The following ROBO1 variants were observed in gnomAD, a reference collection of about 807,000 sequenced individuals.
The protein encoded by ROBO1 is roundabout homolog 1.
A neutral mutation model predicts 195.9 loss-of-function variants in ROBO1; 149 were observed. The observed-to-expected ratio is 0.76, with a 90% CI of 0.67 to 0.87. ROBO1 has a LOEUF of 0.87. ROBO1 is among the 40% of genes least tolerant of loss of function. The probability of loss-of-function intolerance (pLI) is 0.00; values close to 1 mark genes in which losing one functional copy is unlikely to be tolerated. For missense variants in ROBO1, 1,933 were observed against 2,068.3 expected, an observed-to-expected ratio of 0.93 and a Z score of 1.27; for synonymous variants, 816 against 733.2, an observed-to-expected ratio of 1.11 and a Z score of -1.82.
chr3:79,558,829 C>G (rs537755279), intron 2 of ROBO1, among the ~76,000 whole-genome samples: 1 of 152,202 alleles, frequency 6.6e-6, no homozygotes, highest in East Asian at 1.9e-4. Flanking sequence ...GACATAGCTG[C>G]ATAATATATC....
chr3:79,391,769 A>C (rs1019144971), intron 2 of ROBO1, among the ~76,000 whole-genome samples: 1 of 152,208 alleles, frequency 6.6e-6, no homozygotes, highest in Non-Finnish European at 1.5e-5. Flanking sequence ...AGTAAAAATT[A>C]CTTGATAAAA....
chr3:79,364,291 C>CAT (rs144806869), intron 2 of ROBO1, among the ~76,000 whole-genome samples: 200 of 149,766 alleles, frequency 1.3e-3, no homozygotes, highest in African/African-American at 4.6e-3. Flanking sequence ...TATACACACA[C>CAT]ATATATATAA....
chr3:78,664,305 G>A (rs943302573), intron 14 of ROBO1, among the ~76,000 whole-genome samples: 3 of 152,052 alleles, frequency 2.0e-5, no homozygotes, highest in East Asian at 3.9e-4. Context: ...AACCTCAGAG[G>A]GGAGCCTATC....
At chr3:79,543,518 T>G (rs2107648714) in intron 2 of ROBO1, among the ~76,000 whole-genome samples, 1 of 152,206 alleles carries the variant, frequency 6.6e-6, no homozygotes, top group African/African-American at 2.4e-5. Context: ...AATCACTGAT[T>G]ATACCTGTTA....
At chr3:79,303,360 T>C (rs1230132832) in intron 2 of ROBO1, among the ~76,000 whole-genome samples, 1 of 151,950 alleles carries the variant, frequency 6.6e-6, no homozygotes, top group Non-Finnish European at 1.5e-5. Context: ...GAGACGGGGT[T>C]TCGCCACGTT....
chr3:79,285,998 A>G (rs1489120758), intron 2 of ROBO1, among the ~76,000 whole-genome samples: 1 of 152,204 alleles, frequency 6.6e-6, no homozygotes, highest in East Asian at 1.9e-4. Context: ...TTTGAAGTCT[A>G]TTCTGGCAAA....
chr3:79,449,139 G>A (rs1575840111), intron 2 of ROBO1, among the ~76,000 whole-genome samples: 1 of 152,098 alleles, frequency 6.6e-6, no homozygotes, highest in South Asian at 2.1e-4. Flanking sequence ...GATGAAGTGG[G>A]AGGCTTGCTT....
At chr3:79,492,526 GATATA>G (rs745865906) in intron 2 of ROBO1, among the ~76,000 whole-genome samples, 79 of 149,098 alleles carry the variant, frequency 5.3e-4, no homozygotes, top group African/African-American at 1.5e-3. Context: ...TAAACTTAAA[GATATA>G]ATATATAAAT....
intron 4 of ROBO1, among the ~76,000 whole-genome samples, chr3:78,778,143 T>A (rs1288153384): frequency 6.6e-6 from 1 of 152,196 alleles, no homozygotes; most frequent in Non-Finnish European, 1.5e-5. Context: ...TATTTATTGA[T>A]TTGTGTATGT....
intron 2 of ROBO1, among the ~76,000 whole-genome samples, chr3:79,176,753 C>T (rs1341527106): frequency 6.6e-6 from 1 of 152,172 alleles, no homozygotes; most frequent in Admixed American, 6.5e-5. Context: ...AGCTGCCGCG[C>T]CTAGCCTGAA....
At chr3:78,755,681 C>T (rs1217350642) in intron 4 of ROBO1, among the ~76,000 whole-genome samples, 1 of 152,126 alleles carries the variant, frequency 6.6e-6, no homozygotes, top group Non-Finnish European at 1.5e-5. Flanking sequence ...AATAATAACA[C>T]CCAGGTTTCT....
In ROBO1 at chr3:79,295,001, G is replaced by T. The variant is rs141127043; in HGVS notation, c.89-169462C>A. On this transcript the variant is annotated intron_variant, in intron 2 of 30. Transcript: ENST00000464233. Reference sequence around the variant, plus strand: ...AGGAACGTTTTTACACTGTTGGTTGGAGTGTAAATTAGTTCAACCATTGTG... The same window carrying T: ...AGGAACGTTTTTACACTGTTGGTTGTAGTGTAAATTAGTTCAACCATTGTG... Among the ~76,000 whole-genome samples, 20 of 152,290 alleles carry T rather than the reference G, an allele frequency of 1.3e-4. No individual in the cohort carries two copies. In the East Asian group the frequency reaches 3.1e-3, roughly 24 times the overall value.
chr3:78,936,742 T>C (rs1244546237), intron 4 of ROBO1, among the ~76,000 whole-genome samples: 1 of 152,102 alleles, frequency 6.6e-6, no homozygotes, highest in Non-Finnish European at 1.5e-5. Context: ...TATTTGTATA[T>C]ACAGCAGTCC....
chr3:78,712,017 CAAAAAAAAAAAAAA>C (rs56267632), intron 8 of ROBO1, among the ~76,000 whole-genome samples: 4 of 76,462 alleles, frequency 5.2e-5, no homozygotes, highest in East Asian at 4.5e-4. Context: ...AAGACCTTGG[CAAAAAAAAAAAAAA>C]AAAAAAAAAA....
chr3:79,734,748 G>A (rs1415360643), intron 1 of ROBO1, among the ~76,000 whole-genome samples: 6 of 150,800 alleles, frequency 4.0e-5, no homozygotes, highest in Admixed American at 4.0e-4. Flanking sequence ...CTGAGTGGGA[G>A]CGTCAAACTC....
chr3:79,539,302 A>C (rs1300582786), intron 2 of ROBO1, among the ~76,000 whole-genome samples: 2 of 152,112 alleles, frequency 1.3e-5, no homozygotes, highest in African/African-American at 2.4e-5. Context: ...GGGTAGATAA[A>C]AAGGAACATG....
chr3:78,953,598 A>C (rs574556012), intron 3 of ROBO1, among the ~76,000 whole-genome samples: 3 of 152,048 alleles, frequency 2.0e-5, no homozygotes, highest in Admixed American at 6.6e-5. Flanking sequence ...ATACAAGAGA[A>C]GACACCAGTA....
intron 4 of ROBO1, among the ~76,000 whole-genome samples, chr3:78,818,795 C>T (rs2108664714): frequency 6.6e-6 from 1 of 152,320 alleles, no homozygotes; most frequent in South Asian, 2.1e-4. Context: ...ATTGAGCTTC[C>T]AGCAGTCCCC....
intron 2 of ROBO1, among the ~76,000 whole-genome samples, chr3:79,298,122 A>G (rs1266506948): frequency 6.6e-6 from 1 of 152,182 alleles, no homozygotes; most frequent in Non-Finnish European, 1.5e-5. Context: ...ATTTAAAAAA[A>G]AATATCAGTT....
Sources: allele counts gnomAD v4.1 joint callset (sites outside exome capture counted in the v4.1 genomes callset), GRCh38; gene constraint gnomAD v4.1.1; transcripts MANE v1.5; gene names NCBI Gene and HGNC (gene_info 2026-07-23, HGNC 2026-07-21).